Variants in RPTOR observed in about 807,000 individuals in gnomAD.
The protein encoded by RPTOR is regulatory associated protein of MTOR complex 1.
RPTOR carries 21 observed loss-of-function variants against 169.9 expected under a neutral mutation model. The ratio of observed to expected loss-of-function variants is 0.12; its 90% CI spans 0.09 to 0.18. The LOEUF (loss-of-function observed/expected upper bound fraction) is 0.18, where lower values mean the gene tolerates loss of function less well. RPTOR is among the 10% of genes least tolerant of loss of function. The probability of loss-of-function intolerance (pLI) is 1.00; values close to 1 mark genes in which losing one functional copy is unlikely to be tolerated. For missense variants in RPTOR, 1,133 were observed against 1,855.9 expected (o/e 0.61, Z 7.16); for synonymous variants, 732 against 753.2 (o/e 0.97, Z 0.46).
In RPTOR at chr17:80,753,881, G is replaced by A. The variant is rs1179191437; in HGVS notation, c.655-129G>A. ...TCAGCAGCGACGCCTCTCTCCAGAG[G>A]ACTTTCCAGTGAAAACTCACAGCCT... On this transcript the variant is annotated intron_variant, in intron 5 of 33. Transcript: ENST00000306801. 10 of 857,908 alleles carry A rather than the reference G, an allele frequency of 1.2e-5. No individual in the cohort carries two copies. The East Asian group carries it at 1.7e-4, about 15-fold the overall frequency. 53.1% of individuals were successfully genotyped at this position (857,908 alleles called of 1,614,324 possible). A position where few individuals can be genotyped will look rare whatever the true frequency, so the allele number is the denominator to read the frequency against.
At chr17:80,935,225 T>C (rs2144023293) in intron 24 of RPTOR, among the ~76,000 whole-genome samples, 1 of 152,294 alleles carries the variant, frequency 6.6e-6, no homozygotes, top group South Asian at 2.1e-4. Flanking sequence ...TCTAAGTAAA[T>C]GGAGACCATG....
intron 24 of RPTOR, among the ~76,000 whole-genome samples, chr17:80,929,945 G>C (rs1044539935): frequency 7.9e-5 from 12 of 152,088 alleles, no homozygotes; most frequent in Non-Finnish European, 1.2e-4. Flanking sequence ...GCAGCAGGCA[G>C]AGCCTGAGAA....
At chr17:80,816,567 G>A (rs2067325442) in intron 7 of RPTOR, among the ~76,000 whole-genome samples, 1 of 152,238 alleles carries the variant, frequency 6.6e-6, no homozygotes, top group African/African-American at 2.4e-5. Context: ...ATCCTGGGGT[G>A]TGAAAAGAGC....
chr17:80,731,697 A>T (rs1306348500), intron 5 of RPTOR, among the ~76,000 whole-genome samples: 1 of 152,230 alleles, frequency 6.6e-6, no homozygotes, highest in Non-Finnish European at 1.5e-5. Context: ...TACTGGTTGC[A>T]GTATAGGAAA....
intron 28 of RPTOR, among the ~76,000 whole-genome samples, chr17:80,955,895 C>A (rs2069242642): frequency 6.6e-6 from 1 of 152,186 alleles, no homozygotes. Flanking sequence ...ACATGGTTCA[C>A]AAAGCCAGGG....
chr17:80,964,200 C>T (rs537239498), intron 33 of RPTOR, 62 bp from the exon 34 acceptor site: 3 of 1,199,418 alleles, frequency 2.5e-6, no homozygotes, highest in South Asian at 2.4e-5. Context: ...CCTGCGCCCC[C>T]CCGCCCCCCG....
intron 2 of RPTOR, among the ~76,000 whole-genome samples, chr17:80,631,543 TC>T (rs1016628190): frequency 1.3e-5 from 2 of 152,142 alleles, no homozygotes; most frequent in African/African-American, 4.8e-5. Flanking sequence ...CCTGTGGGAT[TC>T]GGTTTGTCTG....
rs538795711 is a variant in RPTOR, at chr17:80,791,330, A to G, written c.831-120A>G. On this transcript the variant is annotated intron_variant, in intron 6 of 33. Coordinates refer to ENST00000306801, the MANE Select transcript of RPTOR (RefSeq NM_020761.3). ...TGCCGAATTAAGGAAATCTGAGTGT[A>G]CTTGTTCACCGTGGTAGTCCCTGTC... is the stretch of plus-strand genomic sequence containing the variant. 9.6e-6 allele frequency: 7 copies of G among 727,496 alleles called. No homozygotes were observed. In the Admixed American group the frequency reaches 1.2e-4, roughly 13 times the overall value. 45.1% of individuals were successfully genotyped at this position (727,496 alleles called of 1,614,324 possible). A position where few individuals can be genotyped will look rare whatever the true frequency, so the allele number is the denominator to read the frequency against.
Position 80,962,492 on chromosome 17 carries a change from C to T in RPTOR, c.3724C>T (p.Arg1242Trp), listed in dbSNP as rs2069356955. ...TGGAGATGTGCGCATCTTTGATCCC[C>T]GGATGCCTGAGTCGGTAAATGTGCT... ...VNGDVRIFDP[R>W]MPESVNVLQI... The change falls in exon 32 of 34, where the codon CGG becomes TGG. Residue 1242 changes from arginine (R) to tryptophan (W), a missense_variant. Physicochemically the swap from Arg to Trp is moderately radical, Grantham distance 101. Coordinates refer to ENST00000306801, the MANE Select transcript of RPTOR (RefSeq NM_020761.3). The T allele has an allele frequency of 6.2e-7, 1 of 1,613,968 alleles. No homozygotes were observed. Among genetic ancestry groups the T allele is most frequent in the Non-Finnish European group, 8.5e-7 (1 of 1,179,936 alleles).
chr17:80,856,085 G>T (rs577530173), intron 12 of RPTOR, among the ~76,000 whole-genome samples: 1 of 152,328 alleles, frequency 6.6e-6, no homozygotes, highest in East Asian at 1.9e-4. Context: ...AACTCACAGG[G>T]AAAGTAAAAG....
At chr17:80,737,890 TC>T (rs2066447537) in intron 5 of RPTOR, among the ~76,000 whole-genome samples, 1 of 151,398 alleles carries the variant, frequency 6.6e-6, no homozygotes, top group African/African-American at 2.5e-5. Flanking sequence ...TGCTGCCATT[TC>T]CACTGTCTAT....
At chr17:80,830,203 C>G (rs899590793) in intron 9 of RPTOR, among the ~76,000 whole-genome samples, 1 of 152,192 alleles carries the variant, frequency 6.6e-6, no homozygotes, top group African/African-American at 2.4e-5. Flanking sequence ...TCCTGGTTTC[C>G]TGGAGTCAGG....
chr17:80,907,558 C>G (rs912055497), intron 20 of RPTOR, among the ~76,000 whole-genome samples: 1 of 152,236 alleles, frequency 6.6e-6, no homozygotes, highest in Non-Finnish European at 1.5e-5. Flanking sequence ...GACAACAGTT[C>G]GGCAATGCCT....
chr17:80,821,875 A>G (rs761651764), intron 7 of RPTOR, among the ~76,000 whole-genome samples: 2 of 152,202 alleles, frequency 1.3e-5, no homozygotes, highest in Admixed American at 6.5e-5. Flanking sequence ...AGCACGTGCC[A>G]CAGACTGCCC....
chr17:80,616,298 CTTTTTTT>C (rs201229448), intron 1 of RPTOR, among the ~76,000 whole-genome samples: 5 of 113,298 alleles, frequency 4.4e-5, no homozygotes, highest in African/African-American at 1.5e-4. Context: ...AATTGAAAAT[CTTTTTTT>C]TTTTTTTTTT....
At chr17:80,790,043 G>T (rs767430307) in intron 6 of RPTOR, among the ~76,000 whole-genome samples, 7 of 152,122 alleles carry the variant, frequency 4.6e-5, no homozygotes, top group Non-Finnish European at 1.0e-4. Context: ...ATTCTGGTTT[G>T]CCTGGGACCA....
intron 25 of RPTOR, among the ~76,000 whole-genome samples, chr17:80,945,162 G>A (rs1429160465): frequency 6.6e-6 from 1 of 152,042 alleles, no homozygotes; most frequent in Non-Finnish European, 1.5e-5. Flanking sequence ...AGGTGTGGCG[G>A]TGCGCGCCTA....
chr17:80,776,802 A>G (rs1310164550), intron 6 of RPTOR, among the ~76,000 whole-genome samples: 2 of 152,234 alleles, frequency 1.3e-5, no homozygotes, highest in Non-Finnish European at 2.9e-5. Context: ...AAGGACCAGT[A>G]TTACAAGGCC....
intron 3 of RPTOR, among the ~76,000 whole-genome samples, chr17:80,647,044 A>G (rs1261334288): frequency 6.6e-6 from 1 of 152,170 alleles, no homozygotes; most frequent in Non-Finnish European, 1.5e-5. Context: ...AGCTTTTGAT[A>G]TAGGTGATTC....
Sources: allele counts gnomAD v4.1 joint callset (sites outside exome capture counted in the v4.1 genomes callset), GRCh38; gene constraint gnomAD v4.1.1; transcripts MANE v1.5; gene names NCBI Gene and HGNC (gene_info 2026-07-23, HGNC 2026-07-21).